Variants in CASKIN2 observed in about 807,000 individuals in gnomAD.
CASKIN2 encodes CASK interacting protein 2.
Under a neutral mutation model 107.1 loss-of-function variants are expected in CASKIN2, and 41 were observed. The ratio of observed to expected loss-of-function variants is 0.38; its 90% CI spans 0.30 to 0.50. The LOEUF (loss-of-function observed/expected upper bound fraction) is 0.50. CASKIN2 is among the 20% of genes least tolerant of loss of function. CASKIN2 has a pLI of 0.92. For synonymous variants in CASKIN2, 724 were observed against 705.6 expected, an observed-to-expected ratio of 1.03 and a Z score of -0.41; for missense variants, 1,546 against 1,657.4, an observed-to-expected ratio of 0.93 and a Z score of 1.17.
chr17:75,505,878 T>C lies in CASKIN2; in HGVS notation c.778A>G (p.Ile260Val), dbSNP rs1365096071. ...RNTYNQTALD[I>V]VNQFTTSQAS... ...TGGGAGGTGGTGAACTGATTCACTA[T>C]GTCCAGCGCCGTCTGGTTATACGTA... The change falls in exon 9 of 20, where the codon ATA becomes GTA. Residue 260 changes from isoleucine to valine, a missense_variant. This residue lies in a region of CASKIN2 where 62 missense variants were observed against 81.1 expected (regional missense o/e 0.76). Coordinates refer to ENST00000321617, the MANE Select transcript of CASKIN2 (RefSeq NM_020753.5). The surrounding 1 kb of genome is among the most constrained non-coding windows in gnomAD (Gnocchi z 5.1). 3.1e-6 allele frequency: 5 copies of C among 1,613,616 alleles called. 1 individual carries two copies. The South Asian group carries it at 4.4e-5, about 14-fold the overall frequency.
At chr17:75,513,030 T>C (rs2053327715) in intron 2 of CASKIN2, among the ~76,000 whole-genome samples, 1 of 152,222 alleles carries the variant, frequency 6.6e-6, no homozygotes, top group South Asian at 2.1e-4. Context: ...TCTAACCCAC[T>C]GTCAGAAATC....
Position 75,502,600 on chromosome 17 carries a change from C to T in CASKIN2, c.2474G>A (p.Ser825Asn). ...TGGCCGCCGGGTAAGGGTAGCATAACTGCCTAGGGTGCTGCCCACTGGCCC... is the reference window on the plus strand; with the variant it reads ...TGGCCGCCGGGTAAGGGTAGCATAATTGCCTAGGGTGCTGCCCACTGGCCC... The part of the protein sequence containing the change: ...AEGPVGSTLG[S>N]YATLTRRPGR... The change falls in exon 18 of 20, where the codon AGT becomes AAT. Residue 825 changes from serine to asparagine, a missense_variant. Around this residue, in one of 6 missense-constraint regions of CASKIN2, gnomAD observed 1,311 missense variants for 1,311.0 expected, o/e 1.00. Coordinates refer to ENST00000321617, the MANE Select transcript of CASKIN2 (RefSeq NM_020753.5). The surrounding 1 kb of genome is among the most constrained non-coding windows in gnomAD (Gnocchi z 4.3). 1 of 1,601,712 alleles carries T rather than the reference C, an allele frequency of 6.2e-7. No homozygotes were observed. Among genetic ancestry groups the T allele is most frequent in the Non-Finnish European group, 8.5e-7 (1 of 1,173,736 alleles).
Position 75,501,621 on chromosome 17 carries a change from C to A in CASKIN2, c.3365G>T (p.Arg1122Leu). 1.2e-6 allele frequency: 2 copies of A among 1,600,192 alleles called. No individual in the cohort carries two copies. The change falls in exon 19 of 20, where the codon CGG becomes CTG. Residue 1122 changes from arginine to leucine, a missense_variant. Arg to Leu is a moderately radical substitution (Grantham distance 102). Coordinates refer to ENST00000321617, the MANE Select transcript of CASKIN2 (RefSeq NM_020753.5). The part of the protein sequence containing the change: ...LAFSGPKLAP[R>L]LGPRPVPPPR... ...AGGAGGCACTGGGCGGGGGCCGAGC[C>A]GGGGCGCTAGCTTAGGGCCAGAAAA...
In CASKIN2 at chr17:75,505,750, C is replaced by A. The variant is rs2053258201; in HGVS notation, c.835+71G>T. ...CAACCCTCCCCCAGGGACGTCCACT[C>A]CCCCTCCACATCCTGGTACCACTTG... On this transcript the variant is annotated intron_variant, in intron 9 of 19. Coordinates refer to ENST00000321617, the MANE Select transcript of CASKIN2 (RefSeq NM_020753.5). The surrounding 1 kb of genome is among the most constrained non-coding windows in gnomAD (Gnocchi z 5.1). 11 of 1,562,014 alleles carry A rather than the reference C, an allele frequency of 7.0e-6. 1 individual carries two copies. The South Asian group carries it at 1.2e-4, about 18-fold the overall frequency.
rs1014799541 is a variant in CASKIN2, at chr17:75,500,409, T to A, written c.*671A>T. The A allele has an allele frequency of 6.6e-6, 1 of 152,594 alleles. No homozygotes were observed. Among genetic ancestry groups the A allele is most frequent in the Admixed American group, 6.5e-5 (1 of 15,328 alleles). 9.5% of individuals were successfully genotyped at this position (152,594 alleles called of 1,614,324 possible). Reference sequence around the variant, plus strand: ...GTGGTCCGAAGCCCCTCCCCCATTGTGTCCTCTCAGGCAGTTGATAGAATA... The same window carrying A: ...GTGGTCCGAAGCCCCTCCCCCATTGAGTCCTCTCAGGCAGTTGATAGAATA... On this transcript the variant is annotated 3_prime_UTR_variant, in exon 20 of 20. Coordinates refer to ENST00000321617, the MANE Select transcript of CASKIN2 (RefSeq NM_020753.5).
At position 75,502,426 on chromosome 17, in the gene CASKIN2, C is replaced by T; in HGVS notation, c.2648G>A (p.Ser883Asn). The T allele has an allele frequency of 7.1e-7, 1 of 1,417,584 alleles. No homozygotes were observed. Among genetic ancestry groups the T allele is most frequent in the Non-Finnish European group, 9.2e-7 (1 of 1,090,736 alleles). 87.8% of individuals were successfully genotyped at this position (1,417,584 alleles called of 1,614,324 possible). A position where few individuals can be genotyped will look rare whatever the true frequency, so the allele number is the denominator to read the frequency against. The change falls in exon 18 of 20, where the codon AGC becomes AAC. Residue 883 changes from serine to asparagine, a missense_variant. Coordinates refer to ENST00000321617, the MANE Select transcript of CASKIN2 (RefSeq NM_020753.5). The surrounding 1 kb of genome is among the most constrained non-coding windows in gnomAD (Gnocchi z 4.3). Reference sequence around the variant, plus strand: ...CTCATCTAGTGGAGGTGGCTCCGGGCTGGGGCCAGAGACGGAGCTGAGGCG... The same window carrying T: ...CTCATCTAGTGGAGGTGGCTCCGGGTTGGGGCCAGAGACGGAGCTGAGGCG... ...PKRLSSVSGP[S>N]PEPPPLDESP...
In CASKIN2 at chr17:75,513,834, G is replaced by A. The variant is rs2147000404; in HGVS notation, c.-30C>T. On this transcript the variant is annotated 5_prime_UTR_variant, in exon 2 of 20. Transcript: ENST00000321617. Reference sequence around the variant, plus strand: ...GCTCCTGGGCTGAGCTCTACACTCAGGAGTCCAGGGCAAAGGCAGGCAACG... The same window carrying A: ...GCTCCTGGGCTGAGCTCTACACTCAAGAGTCCAGGGCAAAGGCAGGCAACG... 6.2e-7 allele frequency: 1 copy of A among 1,604,586 alleles called. No homozygotes were observed. Among genetic ancestry groups the A allele is most frequent in the Non-Finnish European group, 8.5e-7 (1 of 1,173,088 alleles).
chr17:75,509,142 A>T (rs1203778736), intron 2 of CASKIN2, among the ~76,000 whole-genome samples: 2 of 152,162 alleles, frequency 1.3e-5, no homozygotes, highest in Non-Finnish European at 2.9e-5. Flanking sequence ...TGGCAAGAGG[A>T]GCTGGGGCCA....
intron 3 of CASKIN2, chr17:75,507,989 C>G (rs2053283569): frequency 3.4e-6 from 2 of 592,852 alleles, no homozygotes; most frequent in Non-Finnish European, 6.0e-6. Context: ...GAATCTGACC[C>G]CAGGAGGCCC....
intron 4 of CASKIN2, 25 bp from the exon 5 acceptor site, chr17:75,507,154 G>C: frequency 6.3e-7 from 1 of 1,594,558 alleles, no homozygotes; most frequent in Non-Finnish European, 8.5e-7. Context: ...GGGTTTCTGA[G>C]GGAGGTCCTG....
rs745843753 is a variant in CASKIN2 at position 75,504,697 on chromosome 17, T to TG, written c.1193-5dup. ...CCCACACTATTCCTGTCACCTGCTG[T>TG]GGGGGGCAGAAGCCAAGGGGTCAGA... On this transcript the variant is annotated splice_region_variant and splice_polypyrimidine_tract_variant and intron_variant, in intron 11 of 19. Coordinates refer to ENST00000321617, the MANE Select transcript of CASKIN2 (RefSeq NM_020753.5). 1.6e-5 allele frequency: 26 copies of TG among 1,590,202 alleles called. No individual in the cohort carries two copies. The African/African-American group carries it at 3.0e-4, about 18-fold the overall frequency.
chr17:75,501,690 C>T lies in CASKIN2; in HGVS notation c.3296G>A (p.Gly1099Glu). ...PAALLKVPGA[G>E]TAPKPVSVAC... is the part of the protein sequence containing the mutation. Reference sequence around the variant, plus strand: ...CACCGACACAGGCTTGGGGGCTGTTCCTGCAGAGACAAAAAGGTTGGCTTG... The same window carrying T: ...CACCGACACAGGCTTGGGGGCTGTTTCTGCAGAGACAAAAAGGTTGGCTTG... The change falls in exon 19 of 20, where the codon GGA becomes GAA. Residue 1099 changes from glycine to glutamate, a missense_variant and splice_region_variant. By Grantham distance (98) the Gly-to-Glu change is moderately conservative (BLOSUM62 -2). Around this residue, in one of 6 missense-constraint regions of CASKIN2, gnomAD observed 1,311 missense variants for 1,311.0 expected, o/e 1.00. Coordinates refer to ENST00000321617, the MANE Select transcript of CASKIN2 (RefSeq NM_020753.5). The T allele has an allele frequency of 7.1e-6, 11 of 1,556,012 alleles. No individual in the cohort carries two copies. Among genetic ancestry groups the T allele is most frequent in the South Asian group, 3.5e-5 (3 of 84,972 alleles).
Position 75,504,612 on chromosome 17 carries a change from G to A in CASKIN2, c.1274C>T (p.Thr425Ile), listed in dbSNP as rs1262246860. 1 of 1,608,226 alleles carries A rather than the reference G, an allele frequency of 6.2e-7. No individual in the cohort carries two copies. The highest frequency in any genetic ancestry group is 1.7e-5 in the Admixed American group (1 of 59,846). ...SAGSGQSSEGTNGHGPGLLIE... is the reference protein window; with the variant it reads ...SAGSGQSSEGINGHGPGLLIE... The stretch of plus-strand genomic sequence containing the variant: ...CAGGAGGCCAGGGCCATGGCCATTA[G>A]TGCCCTCAGAGCTCTGCCCGCTGCC... The change falls in exon 12 of 20, where the codon ACT becomes ATT. Residue 425 changes from threonine (T) to isoleucine (I), a missense_variant. By Grantham distance (89) the Thr-to-Ile change is moderately conservative. Around this residue, in one of 6 missense-constraint regions of CASKIN2, gnomAD observed 1,311 missense variants for 1,311.0 expected, o/e 1.00. Transcript: ENST00000321617.
In CASKIN2 at chr17:75,504,957, C is replaced by T; in HGVS notation, c.1047G>A (p.Val349=). 1 of 1,611,822 alleles carries T rather than the reference C, an allele frequency of 6.2e-7. No homozygotes were observed. Among genetic ancestry groups the T allele is most frequent in the Non-Finnish European group, 8.5e-7 (1 of 1,179,444 alleles). Residue 349 remains valine (V), a synonymous_variant, in exon 11 of 20, where the codon GTG becomes GTA. Transcript: ENST00000321617. ...PGIVEVVSKR[V]GIPAARLPSA... ...AGGGGAGGCGGGCTGCAGGGATGCC[C>T]ACCCGCTTGCTGACCACCTCGACAA...
chr17:75,514,791 C>T (rs2053342972), intron 1 of CASKIN2, among the ~76,000 whole-genome samples: 1 of 152,238 alleles, frequency 6.6e-6, no homozygotes, highest in South Asian at 2.1e-4. Flanking sequence ...GGAAGCTGCA[C>T]AGCACCTGTT....
chr17:75,506,719 G>C lies in CASKIN2; in HGVS notation c.487-6C>G. 6.2e-7 allele frequency: 1 copy of C among 1,613,584 alleles called. No homozygotes were observed. The highest frequency in any genetic ancestry group is 8.5e-7 in the Non-Finnish European group (1 of 1,179,972). The stretch of plus-strand genomic sequence containing the variant: ...TTCAGAAGCAGCTGGGCCACCTGCA[G>C]CACCCAGTGCCCAGTTAGAGCCTCC... On this transcript the variant is annotated splice_region_variant and splice_polypyrimidine_tract_variant and intron_variant, in intron 6 of 19. Transcript: ENST00000321617. The surrounding 1 kb of genome is among the most constrained non-coding windows in gnomAD (Gnocchi z 4.8).
chr17:75,513,097 G>A (rs1598470813), intron 2 of CASKIN2, among the ~76,000 whole-genome samples: 2 of 152,094 alleles, frequency 1.3e-5, no homozygotes, highest in South Asian at 4.1e-4. Context: ...ACTCCACGAA[G>A]ACAGGAATTT....
Position 75,506,212 on chromosome 17 carries a change from C to T in CASKIN2, c.726+93G>A. 1 of 1,132,910 alleles carries T rather than the reference C, an allele frequency of 8.8e-7. No individual in the cohort carries two copies. The highest frequency in any genetic ancestry group is 1.3e-6 in the Non-Finnish European group (1 of 783,812). 70.2% of individuals were successfully genotyped at this position (1,132,910 alleles called of 1,614,324 possible). On this transcript the variant is annotated intron_variant, in intron 8 of 19. Coordinates refer to ENST00000321617, the MANE Select transcript of CASKIN2 (RefSeq NM_020753.5). This position sits in a 1 kb window ranked among gnomAD's most constrained non-coding sequence, Gnocchi z 4.8. Reference sequence around the variant, plus strand: ...TCCTGACGCCCATGCAAAAACCACGCTGGAGTCCTCCGTCCCGTACCTCCC... The same window carrying T: ...TCCTGACGCCCATGCAAAAACCACGTTGGAGTCCTCCGTCCCGTACCTCCC...
At position 75,502,719 on chromosome 17, in the gene CASKIN2, A is replaced by AG. The variant is rs1299038864; in HGVS notation, c.2354dup (p.Ala786CysfsTer10). 6.4e-7 allele frequency: 1 copy of AG among 1,566,922 alleles called. No homozygotes were observed. The highest frequency in any genetic ancestry group is 1.1e-5 in the South Asian group (1 of 87,682). The stretch of plus-strand genomic sequence containing the variant: ...GTCGAGGCGGGTCTGGGGGAGTGGC[A>AG]GGGGGCCCGGCCAAGTAGGAGAAGG... On this transcript the variant is annotated frameshift_variant, in exon 18 of 20. Coordinates refer to ENST00000321617, the MANE Select transcript of CASKIN2 (RefSeq NM_020753.5). LOFTEE classifies it high-confidence loss of function. This position sits in a 1 kb window ranked among gnomAD's most constrained non-coding sequence, Gnocchi z 4.3.
Sources: allele counts gnomAD v4.1 joint callset (sites outside exome capture counted in the v4.1 genomes callset), GRCh38; gene constraint gnomAD v4.1.1; regional missense constraint gnomAD v4.1.1; non-coding constraint Gnocchi (gnomAD v3.1); transcripts MANE v1.5; gene names NCBI Gene and HGNC (gene_info 2026-07-23, HGNC 2026-07-21).